PTPRM: variants seen among roughly 807,000 people sequenced by gnomAD.
PTPRM encodes the protein receptor-type tyrosine-protein phosphatase mu.
Under a neutral mutation model 186.7 loss-of-function variants are expected in PTPRM, and 47 were observed. That is an observed-to-expected ratio of 0.25 (90% CI 0.20 to 0.32). The LOEUF (loss-of-function observed/expected upper bound fraction) is 0.32, where lower values mean the gene tolerates loss of function less well. PTPRM is among the 10% of genes least tolerant of loss of function. The pLI is 1.00. For missense variants in PTPRM, 1,494 were observed against 1,865.0 expected, an observed-to-expected ratio of 0.80 and a Z score of 3.66; for synonymous variants, 668 against 674.9, an observed-to-expected ratio of 0.99 and a Z score of 0.16.
chr18:8,297,844 G>A (rs779005984), intron 20 of PTPRM, among the ~76,000 whole-genome samples: 34 of 152,290 alleles, frequency 2.2e-4, no homozygotes, highest in African/African-American at 7.5e-4. Context: ...AGCTTCATGT[G>A]TTTTGTAGGT....
At chr18:8,371,781 A>C (rs1568850009) in intron 24 of PTPRM, 1 of 152,554 alleles carries the variant, frequency 6.6e-6, no homozygotes, top group East Asian at 1.9e-4. Flanking sequence ...AGGTGAAGCA[A>C]ACTGCAGTCC....
intron 13 of PTPRM, among the ~76,000 whole-genome samples, chr18:8,123,332 A>G (rs1363837792): frequency 6.6e-6 from 1 of 152,210 alleles, no homozygotes; most frequent in East Asian, 1.9e-4. Context: ...AAACTAGGCA[A>G]TGTCCCCTAA....
intron 17 of PTPRM, among the ~76,000 whole-genome samples, chr18:8,248,551 A>C (rs908250405): frequency 2.6e-5 from 4 of 152,222 alleles, no homozygotes; most frequent in African/African-American, 4.8e-5. Flanking sequence ...TGTGATAGTC[A>C]TAAAAGTGAA....
At chr18:7,582,481 A>G (rs556144759) in intron 1 of PTPRM, among the ~76,000 whole-genome samples, 87 of 152,324 alleles carry the variant, frequency 5.7e-4, no homozygotes, top group African/African-American at 1.9e-3. Flanking sequence ...AAAGCCAGTT[A>G]CAAGGCCAGC....
At position 7,987,493 on chromosome 18, in the gene PTPRM, A is replaced by G. The variant is rs774404366; in HGVS notation, c.1132+32079A>G. ...AGATTAGTCATGAATGTTTCTTGGC[A>G]GGCTCCCTGTCATTCCACTAGGTCC... is the stretch of plus-strand genomic sequence containing the variant. On this transcript the variant is annotated intron_variant, in intron 7 of 32. Transcript: ENST00000580170. Among the ~76,000 whole-genome samples the G allele has an allele frequency of 3.9e-5, 6 of 152,202 alleles. No homozygotes were observed. In the South Asian group the frequency reaches 1.0e-3, roughly 26 times the overall value.
chr18:8,395,378 T>C (rs1430018120), intron 32 of PTPRM, among the ~76,000 whole-genome samples: 1 of 152,152 alleles, frequency 6.6e-6, no homozygotes, highest in Non-Finnish European at 1.5e-5. Flanking sequence ...CTGGGGTTGA[T>C]GTTAAAAATT....
At chr18:8,182,219 AT>A (rs2093585812) in intron 14 of PTPRM, among the ~76,000 whole-genome samples, 1 of 151,770 alleles carries the variant, frequency 6.6e-6, no homozygotes, top group Non-Finnish European at 1.5e-5. Context: ...ATTTTATTTT[AT>A]TTTTTACTTT....
chr18:8,294,420 C>T (rs982302507), intron 19 of PTPRM, among the ~76,000 whole-genome samples: 4 of 152,010 alleles, frequency 2.6e-5, no homozygotes, highest in Non-Finnish European at 4.4e-5. Context: ...GGAAGAGTGC[C>T]GAGTGAAGGG....
At chr18:7,775,631 C>A (rs1224039296) in intron 2 of PTPRM, among the ~76,000 whole-genome samples, 1 of 152,120 alleles carries the variant, frequency 6.6e-6, no homozygotes, top group East Asian at 1.9e-4. Flanking sequence ...TAGATTTAGT[C>A]CTGGTAGATT....
At chr18:8,200,206 A>AACTGC (rs1167205698) in intron 14 of PTPRM, among the ~76,000 whole-genome samples, 1 of 152,122 alleles carries the variant, frequency 6.6e-6, no homozygotes, top group Non-Finnish European at 1.5e-5. Flanking sequence ...GGACTTCAAA[A>AACTGC]GCAGTGCCTG....
At chr18:7,908,437 T>A (rs1287498703) in intron 4 of PTPRM, among the ~76,000 whole-genome samples, 1 of 152,160 alleles carries the variant, frequency 6.6e-6, no homozygotes, top group African/African-American at 2.4e-5. Context: ...AGCTTTTTAT[T>A]GCATGGATTT....
At chr18:7,861,450 C>T (rs981947571) in intron 2 of PTPRM, among the ~76,000 whole-genome samples, 7 of 152,150 alleles carry the variant, frequency 4.6e-5, no homozygotes, top group African/African-American at 1.7e-4. Context: ...TGCAGCAGGA[C>T]TTTGCAGGTG....
rs189466187 is a variant in PTPRM, at chr18:7,964,412, C to G, written c.1132+8998C>G. 3.9e-5 allele frequency among the ~76,000 whole-genome samples: 6 copies of G among 152,262 alleles called. No homozygotes were observed. The East Asian group carries it at 1.2e-3, about 29-fold the overall frequency. On this transcript the variant is annotated intron_variant, in intron 7 of 32. Transcript: ENST00000580170. ...CAACAAACGAGTTAACCTTGCTATT[C>G]CTAGTTTCTTAATCCTTCTGGTCAG...
At chr18:8,303,954 G>A (rs1259368490) in intron 20 of PTPRM, among the ~76,000 whole-genome samples, 4 of 152,148 alleles carry the variant, frequency 2.6e-5, no homozygotes, top group African/African-American at 9.7e-5. Flanking sequence ...TGCAGCCACG[G>A]GAGGAGCAAA....
chr18:8,295,206 C>T (rs978171566), intron 19 of PTPRM, among the ~76,000 whole-genome samples: 3 of 152,092 alleles, frequency 2.0e-5, no homozygotes, highest in African/African-American at 4.8e-5. Flanking sequence ...GTGGCGTCTG[C>T]GAGCAGTGTC....
At chr18:8,335,691 A>G (rs1206149304) in intron 22 of PTPRM, among the ~76,000 whole-genome samples, 1 of 152,184 alleles carries the variant, frequency 6.6e-6, no homozygotes, top group Non-Finnish European at 1.5e-5. Flanking sequence ...ATCCAAGAAA[A>G]TTTGGCTCTC....
chr18:8,253,206 T>C, intron 18 of PTPRM, 21 bp from the exon 19 acceptor site: 2 of 1,382,854 alleles, frequency 1.4e-6, no homozygotes, highest in Non-Finnish European at 1.9e-6. Context: ...CCTCATTTTC[T>C]CCCTGGCCTT....
At chr18:7,663,077 C>T (rs888178514) in intron 1 of PTPRM, among the ~76,000 whole-genome samples, 35 of 152,094 alleles carry the variant, frequency 2.3e-4, no homozygotes, top group African/African-American at 7.5e-4. Flanking sequence ...TGGGCCAGGA[C>T]GTGGACTCTG....
At chr18:7,834,992 C>CTTTTTTTTTTTTTTTTTTTTTTTTGGTT (rs57839485) in intron 2 of PTPRM, among the ~76,000 whole-genome samples, 1 of 85,268 alleles carries the variant, frequency 1.2e-5, no homozygotes, top group Non-Finnish European at 2.3e-5. Flanking sequence ...TTATTTGGAT[C>CTTTTTTTTTTTTTTTTTTTTTTTTGGTT]TTTTTTTTTT....
Sources: allele counts gnomAD v4.1 joint callset (sites outside exome capture counted in the v4.1 genomes callset), GRCh38; gene constraint gnomAD v4.1.1; transcripts MANE v1.5; gene names NCBI Gene and HGNC (gene_info 2026-07-23, HGNC 2026-07-21).